Variants in ARFGEF1 observed in about 807,000 individuals in gnomAD.
ARFGEF1 encodes brefeldin A-inhibited guanine nucleotide-exchange protein 1.
In ARFGEF1, 42 loss-of-function variants were observed where a neutral mutation model predicts 231.0. The ratio of observed to expected loss-of-function variants is 0.18; its 90% CI spans 0.14 to 0.24. The LOEUF is 0.24. ARFGEF1 is among the 10% of genes least tolerant of loss of function. The pLI is 1.00. For missense variants in ARFGEF1, 1,345 were observed against 2,192.0 expected, an observed-to-expected ratio of 0.61 and a Z score of 7.72; for synonymous variants, 710 against 732.3, an observed-to-expected ratio of 0.97 and a Z score of 0.49.
chr8:67,324,915 CTTTT>C (rs71249434), intron 1 of ARFGEF1, among the ~76,000 whole-genome samples: 1 of 143,588 alleles, frequency 7.0e-6, no homozygotes, highest in Admixed American at 6.9e-5. Context: ...AAAAAATCCA[CTTTT>C]TTTTTTTTTT....
intron 5 of ARFGEF1, among the ~76,000 whole-genome samples, chr8:67,178,182 T>G (rs536984909): frequency 6.6e-6 from 1 of 152,276 alleles, no homozygotes; most frequent in East Asian, 1.9e-4. Flanking sequence ...CCTGGCCCAT[T>G]ATGAGTGCAG....
In ARFGEF1 at chr8:67,343,680, G is replaced by T; in HGVS notation, c.-393C>A. 1.1e-6 allele frequency: 1 copy of T among 901,100 alleles called. No homozygotes were observed. Among genetic ancestry groups the T allele is most frequent in the Non-Finnish European group, 1.3e-6 (1 of 747,786 alleles). 55.8% of individuals were successfully genotyped at this position (901,100 alleles called of 1,614,324 possible). A position where few individuals can be genotyped will look rare whatever the true frequency, so the allele number is the denominator to read the frequency against. Reference sequence around the variant, plus strand: ...GCGGCGGCTCTCAGAGGCACCGCGAGAGAAGGGCTACCCTGGCTACTGTGG... The same window carrying T: ...GCGGCGGCTCTCAGAGGCACCGCGATAGAAGGGCTACCCTGGCTACTGTGG... On this transcript the variant is annotated 5_prime_UTR_variant, in exon 1 of 39. Transcript: ENST00000262215.
rs1035613310 is a variant in ARFGEF1 at position 67,198,832 on chromosome 8, A to G, written c.*102T>C. 12 of 1,518,908 alleles carry G rather than the reference A, an allele frequency of 7.9e-6. No homozygotes were observed. Among genetic ancestry groups the G allele is most frequent in the Non-Finnish European group, 9.7e-6 (11 of 1,139,606 alleles). The allele number at this position is 1,518,908 out of a possible 1,614,324, so 94.1% of individuals were successfully genotyped here. On this transcript the variant is annotated 3_prime_UTR_variant, in exon 39 of 39. Transcript: ENST00000262215. The stretch of plus-strand genomic sequence containing the variant: ...AAGCATCTTTACCAGTAACTCAGAC[A>G]CTGCAATCCAGAGAAATCATTTTTC...
At chr8:67,218,349 TC>T (rs1358028576) in intron 30 of ARFGEF1, among the ~76,000 whole-genome samples, 1 of 150,928 alleles carries the variant, frequency 6.6e-6, no homozygotes, top group Non-Finnish European at 1.5e-5. Context: ...CTCCTTATTA[TC>T]CCATAACCAC....
chr8:67,185,616 A>G (rs557421471), intron 5 of ARFGEF1, among the ~76,000 whole-genome samples: 1 of 152,206 alleles, frequency 6.6e-6, no homozygotes, highest in Non-Finnish European at 1.5e-5. Context: ...AGGAAGATGC[A>G]GAGTCAGAAG....
intron 6 of ARFGEF1, among the ~76,000 whole-genome samples, chr8:67,288,419 C>T (rs1413521273): frequency 6.7e-6 from 1 of 149,954 alleles, no homozygotes; most frequent in African/African-American, 2.5e-5. Context: ...ACACATTACA[C>T]TATCCCTTAT....
intron 36 of ARFGEF1, among the ~76,000 whole-genome samples, chr8:67,202,500 C>A (rs71515059): frequency 2.0e-5 from 3 of 152,206 alleles, no homozygotes; most frequent in Non-Finnish European, 4.4e-5. Context: ...CCCAAGCAAT[C>A]ATCCTGCCTC....
chr8:67,328,210 T>C (rs995601828), intron 1 of ARFGEF1, among the ~76,000 whole-genome samples: 2 of 152,218 alleles, frequency 1.3e-5, no homozygotes, highest in African/African-American at 4.8e-5. Flanking sequence ...GTACCTAGGC[T>C]GAAACTGTTA....
At chr8:67,193,894 T>C (rs1255139224), downstream of ARFGEF1, among the ~76,000 whole-genome samples, 1 of 152,268 alleles carries the variant, frequency 6.6e-6, no homozygotes, top group Non-Finnish European at 1.5e-5. Context: ...AAATGCTATA[T>C]GATAATAGTA....
intron 5 of ARFGEF1, 76 bp downstream of exon 5, chr8:67,296,355 C>A: frequency 1.5e-6 from 2 of 1,313,568 alleles, no homozygotes; most frequent in South Asian, 3.1e-5. Context: ...AGATTTCACT[C>A]TAATTACTGT....
rs1394003219 is a variant in ARFGEF1 at position 67,253,385 on chromosome 8, A to C, written c.2698+66T>G. ...AAACCACCACACCTGACCATAAGTG[A>C]AAAACTCTTAGGAACCCATATTTTT... is the stretch of plus-strand genomic sequence containing the variant. On this transcript the variant is annotated intron_variant, in intron 18 of 38. Transcript: ENST00000262215. 6.6e-6 allele frequency: 8 copies of C among 1,211,888 alleles called. No homozygotes were observed. In the African/African-American group the frequency reaches 1.1e-4, roughly 16 times the overall value. 75.1% of individuals were successfully genotyped at this position (1,211,888 alleles called of 1,614,324 possible).
At chr8:67,186,363 G>A (rs1441699377) in intron 5 of ARFGEF1, among the ~76,000 whole-genome samples, 1 of 151,302 alleles carries the variant, frequency 6.6e-6, no homozygotes, top group African/African-American at 2.4e-5. Flanking sequence ...GGTCAGACAT[G>A]GAAATGGTGG....
chr8:67,258,289 G>C lies in ARFGEF1; in HGVS notation c.2237C>G (p.Thr746Ser), dbSNP rs370609948. 7 of 1,564,148 alleles carry C rather than the reference G, an allele frequency of 4.5e-6. No individual in the cohort carries two copies. Among genetic ancestry groups the C allele is most frequent in the Non-Finnish European group, 6.1e-6 (7 of 1,142,964 alleles). Residue 746 changes from threonine to serine, a missense_variant and splice_region_variant, in exon 16 of 39, where the codon ACT (threonine) becomes AGT (serine). Transcript: ENST00000262215. ...FLHQEERLDSTQVGEFLGDND... is the reference protein window; with the variant it reads ...FLHQEERLDSSQVGEFLGDND... Reference sequence around the variant, plus strand: ...ATCTCCCAGGAACTCACCCACTTGAGTCTAAAGTAAAAACAGAGATAGAAA... The same window carrying C: ...ATCTCCCAGGAACTCACCCACTTGACTCTAAAGTAAAAACAGAGATAGAAA...
chr8:67,338,767 G>A (rs1314645869), intron 1 of ARFGEF1, among the ~76,000 whole-genome samples: 1 of 152,154 alleles, frequency 6.6e-6, no homozygotes, highest in Non-Finnish European at 1.5e-5. Context: ...AAAAATTCAG[G>A]TAGCCTGGCT....
intron 1 of ARFGEF1, among the ~76,000 whole-genome samples, chr8:67,326,745 CATG>C (rs1468397708): frequency 7.2e-5 from 11 of 152,136 alleles, no homozygotes; most frequent in Non-Finnish European, 1.5e-4. Flanking sequence ...CTTATAATGA[CATG>C]ATGTTTAACT....
At chr8:67,226,544 A>T (rs1839378723) in intron 27 of ARFGEF1, among the ~76,000 whole-genome samples, 2 of 152,176 alleles carry the variant, frequency 1.3e-5, no homozygotes. Context: ...AGCTGTAAGC[A>T]CTACGTAAAA....
At chr8:67,305,917 TATC>T (rs1312543968) in intron 1 of ARFGEF1, among the ~76,000 whole-genome samples, 1 of 152,198 alleles carries the variant, frequency 6.6e-6, no homozygotes, top group Non-Finnish European at 1.5e-5. Context: ...ACTAAGTACT[TATC>T]ATATACTATG....
intron 5 of ARFGEF1, among the ~76,000 whole-genome samples, chr8:67,176,338 A>G (rs1488821344): frequency 6.6e-6 from 1 of 152,174 alleles, no homozygotes; most frequent in Non-Finnish European, 1.5e-5. Flanking sequence ...TGGCTTGCAG[A>G]ATCTGAGGAA....
intron 4 of ARFGEF1, 92 bp from the exon 5 acceptor site, chr8:67,296,702 G>A (rs1806250871): frequency 2.0e-6 from 2 of 983,460 alleles, no homozygotes; most frequent in Admixed American, 2.8e-5. Context: ...CCAGGCTGGA[G>A]TGCAGTAGTG....
Sources: gnomAD v4.1 joint callset for allele counts (sites outside exome capture counted in the v4.1 genomes callset) on GRCh38, gnomAD v4.1.1 for gene constraint, MANE v1.5 for transcripts, NCBI Gene and HGNC (gene_info 2026-07-23, HGNC 2026-07-21) for gene names.